THADA: variants seen among roughly 807,000 people sequenced by gnomAD.
THADA encodes tRNA (32-2'-O)-methyltransferase regulator THADA.
A neutral mutation model predicts 219.8 loss-of-function variants in THADA; 213 were observed. That is an observed-to-expected ratio of 0.97 (90% CI 0.87 to 1.09). The LOEUF is 1.09. Among genes scored for constraint, THADA ranks in the 50% least tolerant of loss-of-function variants. THADA has a pLI of 0.00. For missense variants in THADA, 2,956 were observed against 2,311.3 expected (o/e 1.28, Z -5.72); for synonymous variants, 1,018 against 828.9 (o/e 1.23, Z -3.92).
chr2:43,453,487 T>C (rs912240292), intron 26 of THADA, among the ~76,000 whole-genome samples: 3 of 152,234 alleles, frequency 2.0e-5, no homozygotes, highest in South Asian at 2.1e-4. Context: ...TAAGTATAAC[T>C]CATTATTGCT....
intron 15 of THADA, chr2:43,563,480 T>C (rs1698316530): frequency 6.6e-6 from 1 of 152,216 alleles, no homozygotes; most frequent in African/African-American, 2.4e-5. Context: ...ATCTTGTATC[T>C]ACATAATGTA....
intron 29 of THADA, among the ~76,000 whole-genome samples, chr2:43,350,271 G>A (rs1668102669): frequency 6.6e-6 from 1 of 152,216 alleles, no homozygotes; most frequent in Non-Finnish European, 1.5e-5. Flanking sequence ...GGAGATGACT[G>A]AGGGAGGAAT....
rs1218079783 is a variant in THADA, at chr2:43,520,713, T to TATATATACACACACACACACAC, written c.3374+7165_3374+7166insGTGTGTGTGTGTGTGTATATAT. Among the ~76,000 whole-genome samples, 484 of 124,878 alleles carry TATATATACACACACACACACAC rather than the reference T, an allele frequency of 3.9e-3. 3 individuals are homozygous for TATATATACACACACACACACAC. Among genetic ancestry groups the TATATATACACACACACACACAC allele is most frequent in the African/African-American group, 0.014 (465 of 33,404 alleles). The allele number at this position is 124,878 out of a possible 152,430, so 81.9% of individuals were successfully genotyped here. A position where few individuals can be genotyped will look rare whatever the true frequency, so the allele number is the denominator to read the frequency against. On this transcript the variant is annotated intron_variant, in intron 22 of 37. Coordinates refer to ENST00000405975, the MANE Select transcript of THADA (RefSeq NM_022065.5). ...TCAAATATTTATACGTATATATATA[T>TATATATACACACACACACACAC]ACACACACACACACACACACACACA...
chr2:43,422,135 T>C (rs1667071910), intron 28 of THADA, among the ~76,000 whole-genome samples: 1 of 152,356 alleles, frequency 6.6e-6, no homozygotes, highest in Middle Eastern at 3.4e-3. Flanking sequence ...CTTTTGCTGA[T>C]GGGCAAACTC....
At chr2:43,528,126 C>CTTTTTT (rs367822642) in intron 21 of THADA, 138 bp from the exon 22 acceptor site, 46 of 162,910 alleles carry the variant, frequency 2.8e-4, no homozygotes, top group African/African-American at 7.1e-4. Context: ...ATGTTTTAAG[C>CTTTTTT]TTTTTTTTTT....
At chr2:43,515,193 TATATATA>T (rs1558891842) in intron 22 of THADA, among the ~76,000 whole-genome samples, 148 of 11,778 alleles carry the variant, frequency 0.013, 13 homozygotes, top group African/African-American at 0.033. Context: ...TATAATATAT[TATATATA>T]ATATATAATA....
intron 28 of THADA, among the ~76,000 whole-genome samples, chr2:43,424,384 T>C (rs976563304): frequency 2.6e-5 from 4 of 152,202 alleles, no homozygotes; most frequent in Non-Finnish European, 5.9e-5. Flanking sequence ...AAACTCATAG[T>C]ATCCATGAGC....
At chr2:43,267,534 A>G (rs1391596111) in intron 36 of THADA, among the ~76,000 whole-genome samples, 1 of 152,154 alleles carries the variant, frequency 6.6e-6, no homozygotes, top group Non-Finnish European at 1.5e-5. Flanking sequence ...TCAACACACG[A>G]TTTCTGAGCC....
Position 43,293,186 on chromosome 2 carries a change from T to A in THADA, c.4466A>T (p.Glu1489Val), listed in dbSNP as rs1309515700. Residue 1489 changes from glutamate to valine, a missense_variant, in exon 32 of 38, where the codon GAA (glutamate) becomes GTA (valine). Glu to Val is a moderately radical substitution (Grantham distance 121). Transcript: ENST00000405975. ...TGATCCTGAGATAATCCCTCTGACT[T>A]CCTCCCAGAAGCCAAGACTCTCCAG... ...PVLESLGFWE[E>V]VRGIISGSEL... 5.0e-6 allele frequency: 8 copies of A among 1,611,838 alleles called. No individual in the cohort carries two copies. The South Asian group carries it at 8.8e-5, about 18-fold the overall frequency.
At chr2:43,514,688 A>T (rs573281629) in intron 22 of THADA, among the ~76,000 whole-genome samples, 4 of 81,584 alleles carry the variant, frequency 4.9e-5, no homozygotes, top group African/African-American at 5.4e-5. Flanking sequence ...ATTATATTAT[A>T]TATAATATAT....
chr2:43,576,230 A>G (rs1242358606), intron 10 of THADA, among the ~76,000 whole-genome samples: 2 of 152,246 alleles, frequency 1.3e-5, no homozygotes, highest in South Asian at 2.1e-4. Context: ...CAAATATGTA[A>G]AAAATTATTT....
At chr2:43,565,421 G>C (rs1173127057) in intron 15 of THADA, 1 of 130,334 alleles carries the variant, frequency 7.7e-6, no homozygotes, top group Non-Finnish European at 1.6e-5. Context: ...AACAGAGCGA[G>C]ACTCCGTCTC....
chr2:43,382,750 C>CAT (rs1672193937), intron 29 of THADA, among the ~76,000 whole-genome samples: 1 of 152,152 alleles, frequency 6.6e-6, no homozygotes, highest in Non-Finnish European at 1.5e-5. Context: ...GACAAATTCA[C>CAT]ATATAGGAGC....
At chr2:43,511,818 T>C (rs1360814912) in intron 22 of THADA, among the ~76,000 whole-genome samples, 2 of 152,160 alleles carry the variant, frequency 1.3e-5, no homozygotes, top group East Asian at 1.9e-4. Flanking sequence ...TAGGCGTACA[T>C]GGGATCAGTA....
chr2:43,289,269 T>C (rs2104354457), intron 34 of THADA, among the ~76,000 whole-genome samples: 1 of 152,374 alleles, frequency 6.6e-6, no homozygotes, highest in East Asian at 1.9e-4. Context: ...TTTCACTTTT[T>C]CTAGAACAGG....
intron 36 of THADA, among the ~76,000 whole-genome samples, chr2:43,263,502 G>A (rs1233177077): frequency 6.6e-6 from 1 of 152,116 alleles, no homozygotes; most frequent in Non-Finnish European, 1.5e-5. Context: ...TGTATCCGAG[G>A]TATACAAGCT....
Position 43,574,610 on chromosome 2 carries a change from C to A in THADA, c.1455G>T (p.Met485Ile). 6.2e-7 allele frequency: 1 copy of A among 1,613,982 alleles called. No individual in the cohort carries two copies. Among genetic ancestry groups the A allele is most frequent in the Non-Finnish European group, 8.5e-7 (1 of 1,179,896 alleles). ...KTIPSQILEV[M>I]GDQSLVPYAS... ...CATAAGGTACCAATGACTGGTCTCC[C>A]ATCACCTCTAAGATTTGAGATGGAA... Residue 485 changes from methionine to isoleucine, a missense_variant, in exon 11 of 38, where the codon ATG becomes ATT. By Grantham distance (10) the Met-to-Ile change is conservative. Transcript: ENST00000405975.
chr2:43,388,389 C>T (rs535562184), intron 29 of THADA, among the ~76,000 whole-genome samples: 46 of 151,896 alleles, frequency 3.0e-4, no homozygotes, highest in Middle Eastern at 3.4e-3. Flanking sequence ...TGGAATGGCT[C>T]GCAGGGGATG....
intron 36 of THADA, among the ~76,000 whole-genome samples, chr2:43,249,175 C>T (rs1161366850): frequency 1.3e-5 from 2 of 152,042 alleles, no homozygotes; most frequent in African/African-American, 4.8e-5. Context: ...GCAGCCTCAA[C>T]CTCCTGGGCT....
Sources: allele counts gnomAD v4.1 joint callset (sites outside exome capture counted in the v4.1 genomes callset), GRCh38; gene constraint gnomAD v4.1.1; transcripts MANE v1.5; gene names NCBI Gene and HGNC (gene_info 2026-07-23, HGNC 2026-07-21).